The following HOXB6 variants were observed in gnomAD, a reference collection of about 807,000 sequenced individuals.
HOXB6 encodes the protein homeobox B6.
Under a neutral mutation model 24.2 loss-of-function variants are expected in HOXB6, and 18 were observed. The observed-to-expected ratio is 0.74, with a 90% CI of 0.51 to 1.10. The LOEUF (loss-of-function observed/expected upper bound fraction) is 1.10. Among genes scored for constraint, HOXB6 ranks in the 50% least tolerant of loss-of-function variants. The pLI is 0.00. For missense variants in HOXB6, 332 were observed against 308.3 expected, an observed-to-expected ratio of 1.08 and a Z score of -0.58; for synonymous variants, 159 against 139.1, an observed-to-expected ratio of 1.14 and a Z score of -1.01.
In HOXB6 at chr17:48,598,115, G is replaced by A. The variant is rs757108837; in HGVS notation, c.36C>T (p.Val12=). 1.1e-5 allele frequency: 17 copies of A among 1,596,588 alleles called. No individual in the cohort carries two copies. Among genetic ancestry groups the A allele is most frequent in the Non-Finnish European group, 1.4e-5 (16 of 1,167,916 alleles). ...AGGACTCCTGCCCGCTGGCCAGAGT[G>A]ACGGGGAAGGTGGAGTTCACGAAAT... ...SSYFVNSTFP[V]TLASGQESFL... The change falls in exon 3 of 4, where the codon GTC becomes GTT. Residue 12 remains valine (V), a synonymous_variant. Transcript: ENST00000225648.
chr17:48,597,575 GC>G (rs1398630645), intron 3 of HOXB6, among the ~76,000 whole-genome samples, 160 bp downstream of exon 3: 2 of 152,216 alleles, frequency 1.3e-5, no homozygotes, highest in Admixed American at 1.3e-4. Context: ...AGGGGACACA[GC>G]GAGAGACCCC....
Position 48,596,867 on chromosome 17 carries a change from A to C in HOXB6, c.416-195T>G. Reference sequence around the variant, plus strand: ...TCTCCTAGGCCTGTGCCGTCTGTCTAGACTCTAGATGGGGGAGGGGAGGAG... The same window carrying C: ...TCTCCTAGGCCTGTGCCGTCTGTCTCGACTCTAGATGGGGGAGGGGAGGAG... On this transcript the variant is annotated intron_variant, in intron 3 of 3. Transcript: ENST00000225648. This position sits in a 1 kb window ranked among gnomAD's most constrained non-coding sequence, Gnocchi z 4.8. The C allele has an allele frequency of 8.0e-7, 1 of 1,247,988 alleles. No individual in the cohort carries two copies. Among genetic ancestry groups the C allele is most frequent in the Non-Finnish European group, 1.1e-6 (1 of 920,760 alleles). 77.3% of individuals were successfully genotyped at this position (1,247,988 alleles called of 1,614,324 possible).
chr17:48,602,937 G>A (rs997988073), intron 2 of HOXB6, among the ~76,000 whole-genome samples: 4 of 152,212 alleles, frequency 2.6e-5, no homozygotes, highest in Non-Finnish European at 5.9e-5. Context: ...GAAGCCCAGC[G>A]GTCCCTCCAG....
At chr17:48,601,020 G>GT (rs58902230) in intron 2 of HOXB6, among the ~76,000 whole-genome samples, 7 of 94,774 alleles carry the variant, frequency 7.4e-5, no homozygotes, top group African/African-American at 2.7e-4. Context: ...GTGTGTGTGT[G>GT]GTGTGGTGTG....
At position 48,595,804 on chromosome 17, in the gene HOXB6, TATCATC is replaced by T. The variant is rs35307473; in HGVS notation, c.*603_*608del. 0.018 allele frequency: 3,523 copies of T among 190,604 alleles called. 51 individuals carry two copies. Among genetic ancestry groups the T allele is most frequent in the Admixed American group, 0.032 (559 of 17,672 alleles). 11.8% of individuals were successfully genotyped at this position (190,604 alleles called of 1,614,324 possible). On this transcript the variant is annotated 3_prime_UTR_variant, in exon 4 of 4. Coordinates refer to ENST00000225648, the MANE Select transcript of HOXB6 (RefSeq NM_018952.5). ...TTGTTGTTGTTATTATTATTATTAT[TATCATC>T]ATCATCATCATCATCATCATCGAAG...
intron 2 of HOXB6, chr17:48,602,085 C>T (rs571782975): frequency 2.2e-6 from 1 of 456,016 alleles, no homozygotes; most frequent in African/African-American, 2.0e-5. Context: ...GTAGACTTCG[C>T]TTGAAAAGAT....
At position 48,597,930 on chromosome 17, in the gene HOXB6, T is replaced by C; in HGVS notation, c.221A>G (p.Tyr74Cys). 2 of 1,574,246 alleles carry C rather than the reference T, an allele frequency of 1.3e-6. No individual in the cohort carries two copies. Among genetic ancestry groups the C allele is most frequent in the Non-Finnish European group, 1.7e-6 (2 of 1,160,184 alleles). The change falls in exon 3 of 4, where the codon TAC becomes TGC. Residue 74 changes from tyrosine to cysteine, a missense_variant. By Grantham distance (194) the Tyr-to-Cys change is radical. Coordinates refer to ENST00000225648, the MANE Select transcript of HOXB6 (RefSeq NM_018952.5). Reference protein sequence around the residue: ...GGYGRAAPCDYGPAPAFYREK... With the variant: ...GGYGRAAPCDCGPAPAFYREK... ...GCGGTAGAAGGCCGGCGCCGGCCCG[T>C]AGTCGCAGGGCGCCGCTCGGCCGTA...
chr17:48,600,289 C>G (rs1182293141), intron 2 of HOXB6, among the ~76,000 whole-genome samples: 1 of 152,084 alleles, frequency 6.6e-6, no homozygotes, highest in Non-Finnish European at 1.5e-5. Flanking sequence ...TCCCTGCCCA[C>G]AATGTCTCCA....
Position 48,596,966 on chromosome 17 carries a change from T to G in HOXB6, c.416-294A>C. On this transcript the variant is annotated intron_variant, in intron 3 of 3. Coordinates refer to ENST00000225648, the MANE Select transcript of HOXB6 (RefSeq NM_018952.5). The surrounding 1 kb of genome is among the most constrained non-coding windows in gnomAD (Gnocchi z 4.8). Reference sequence around the variant, plus strand: ...TCTCTTCCTAGTTGCATCTTGTCTTTCCCTCCCTTTCCATCCATCTTGTTC... The same window carrying G: ...TCTCTTCCTAGTTGCATCTTGTCTTGCCCTCCCTTTCCATCCATCTTGTTC... 2.3e-6 allele frequency: 3 copies of G among 1,308,486 alleles called. No individual in the cohort carries two copies. Among genetic ancestry groups the G allele is most frequent in the Non-Finnish European group, 2.9e-6 (3 of 1,017,748 alleles). The allele number at this position is 1,308,486 out of a possible 1,614,324, so 81.1% of individuals were successfully genotyped here.
In HOXB6 at chr17:48,604,940, G is replaced by C. The variant is rs2070547863; in HGVS notation, c.-293C>G. 1 of 152,450 alleles carries C rather than the reference G, an allele frequency of 6.6e-6. No homozygotes were observed. Among genetic ancestry groups the C allele is most frequent in the Non-Finnish European group, 1.5e-5 (1 of 68,022 alleles). The allele number at this position is 152,450 out of a possible 1,614,324, so 9.4% of individuals were successfully genotyped here. On this transcript the variant is annotated 5_prime_UTR_variant, in exon 1 of 4. Coordinates refer to ENST00000225648, the MANE Select transcript of HOXB6 (RefSeq NM_018952.5). Reference sequence around the variant, plus strand: ...AAAAATATCAAGAGGCTGGAGCCCTGAAGGACGACAGTGCTCCGACCTAGG... The same window carrying C: ...AAAAATATCAAGAGGCTGGAGCCCTCAAGGACGACAGTGCTCCGACCTAGG...
rs1486216767 is a variant in HOXB6 at position 48,598,096 on chromosome 17, C to G, written c.55G>C (p.Glu19Gln). The G allele has an allele frequency of 6.2e-7, 1 of 1,602,172 alleles. No homozygotes were observed. The highest frequency in any genetic ancestry group is 8.5e-7 in the Non-Finnish European group (1 of 1,172,514). Residue 19 changes from glutamate (E) to glutamine (Q), a missense_variant, in exon 3 of 4, where the codon GAG becomes CAG. Glu to Gln is a conservative substitution (Grantham distance 29). Transcript: ENST00000225648. ...TFPVTLASGQ[E>Q]SFLGQLPLYS... Reference sequence around the variant, plus strand: ...AGCGGTAGCTGGCCCAGGAAGGACTCCTGCCCGCTGGCCAGAGTGACGGGG... The same window carrying G: ...AGCGGTAGCTGGCCCAGGAAGGACTGCTGCCCGCTGGCCAGAGTGACGGGG...
intron 2 of HOXB6, among the ~76,000 whole-genome samples, chr17:48,603,009 G>T (rs2070505987): frequency 6.6e-6 from 1 of 152,200 alleles, no homozygotes. Context: ...CCTCTTCCGC[G>T]CCACAAGTGG....
chr17:48,596,441 T>A lies in HOXB6; in HGVS notation c.647A>T (p.Glu216Val). ...CTCGGCCTGTTTTTCTTCCTCCTCC[T>A]CGGCACTGAGCTGAGACGCGCTGAG... ...KLLSASQLSAEEEEEKQAE is the reference protein window; with the variant it reads ...KLLSASQLSAVEEEEKQAE The change falls in exon 4 of 4, where the codon GAG (glutamate) becomes GTG (valine). Residue 216 changes from glutamate to valine, a missense_variant. Transcript: ENST00000225648. This position sits in a 1 kb window ranked among gnomAD's most constrained non-coding sequence, Gnocchi z 4.8. 1 of 1,614,222 alleles carries A rather than the reference T, an allele frequency of 6.2e-7. No homozygotes were observed. Among genetic ancestry groups the A allele is most frequent in the Non-Finnish European group, 8.5e-7 (1 of 1,180,038 alleles).
intron 2 of HOXB6, chr17:48,601,442 C>T (rs1290164221): frequency 3.9e-5 from 6 of 152,304 alleles, no homozygotes; most frequent in Admixed American, 3.3e-4. Flanking sequence ...AGGGGACAAC[C>T]TGAGGGCCCT....
At chr17:48,604,774 T>A (rs959536662) in intron 1 of HOXB6, 88 bp downstream of exon 1, 1 of 152,218 alleles carries the variant, frequency 6.6e-6, no homozygotes, top group African/African-American at 2.4e-5. Context: ...AACTTAGGAA[T>A]CAAAATTATT....
Position 48,596,827 on chromosome 17 carries a change from C to A in HOXB6, c.416-155G>T. On this transcript the variant is annotated intron_variant, in intron 3 of 3. Coordinates refer to ENST00000225648, the MANE Select transcript of HOXB6 (RefSeq NM_018952.5). This position sits in a 1 kb window ranked among gnomAD's most constrained non-coding sequence, Gnocchi z 4.8. ...TTTCGCACTCCTCCAGCGCCCCCTC[C>A]AGATTCCCTCCTAGTCTCCTAGGCC... The A allele has an allele frequency of 1.5e-6, 2 of 1,334,882 alleles. No individual in the cohort carries two copies. Among genetic ancestry groups the A allele is most frequent in the Non-Finnish European group, 1.0e-6 (1 of 971,460 alleles). The allele number at this position is 1,334,882 out of a possible 1,614,324, so 82.7% of individuals were successfully genotyped here.
rs566124803 is a variant in HOXB6 at position 48,601,189 on chromosome 17, G to A, written c.-78-2961C>T. On this transcript the variant is annotated intron_variant, in intron 2 of 3. Coordinates refer to ENST00000225648, the MANE Select transcript of HOXB6 (RefSeq NM_018952.5). ...ATGAAAATATTTCAACTCAATTCTC[G>A]TCCTGGACTCTGTTTCTCTGGGTTT... Among the ~76,000 whole-genome samples the A allele has an allele frequency of 1.5e-3, 224 of 152,138 alleles. 1 individual carries two copies. The highest frequency in any genetic ancestry group is 2.8e-3 in the Non-Finnish European group (189 of 68,000).
intron 2 of HOXB6, among the ~76,000 whole-genome samples, chr17:48,599,035 C>T (rs556092303): frequency 2.6e-5 from 4 of 152,314 alleles, no homozygotes; most frequent in Non-Finnish European, 4.4e-5. Flanking sequence ...CTGCCCAAAA[C>T]ATTCTGCCTG....
chr17:48,596,626 T>C lies in HOXB6; in HGVS notation c.462A>G (p.Thr154=), dbSNP rs372646274. ...TCTCCAGCTCCAGCGTCTGGTAACG[T>C]GTGTATGTCTGGCGGCCTCGCCGGC... ...PSGRRGRQTY[T]RYQTLELEKE... is the part of the protein sequence containing the mutation. Residue 154 remains threonine, a synonymous_variant, in exon 4 of 4, where the codon ACA becomes ACG. Transcript: ENST00000225648. The surrounding 1 kb of genome is among the most constrained non-coding windows in gnomAD (Gnocchi z 4.8). 2.9e-5 allele frequency: 46 copies of C among 1,613,882 alleles called. No individual in the cohort carries two copies. The highest frequency in any genetic ancestry group is 3.7e-5 in the Non-Finnish European group (44 of 1,180,044).
Sources: gnomAD v4.1 joint callset for allele counts (sites outside exome capture counted in the v4.1 genomes callset) on GRCh38, gnomAD v4.1.1 for gene constraint, Gnocchi (gnomAD v3.1) non-coding constraint, MANE v1.5 for transcripts, NCBI Gene and HGNC (gene_info 2026-07-23, HGNC 2026-07-21) for gene names.